The following LSG1 variants were observed in gnomAD, a reference collection of about 807,000 sequenced individuals.
LSG1 encodes large subunit GTPase 1 homolog.
A neutral mutation model predicts 82.6 loss-of-function variants in LSG1; 55 were observed. That is an observed-to-expected ratio of 0.67 (90% confidence interval 0.54 to 0.83). The LOEUF (loss-of-function observed/expected upper bound fraction) is 0.83, where lower values mean the gene tolerates loss of function less well. LSG1 is among the 40% of genes least tolerant of loss of function. The probability of loss-of-function intolerance (pLI) is 0.00; values close to 1 mark genes in which losing one functional copy is unlikely to be tolerated. For synonymous variants in LSG1, 272 were observed against 282.5 expected, an observed-to-expected ratio of 0.96 and a Z score of 0.37; for missense variants, 809 against 807.9, an observed-to-expected ratio of 1.00 and a Z score of -0.02.
intron 2 of LSG1, among the ~76,000 whole-genome samples, chr3:194,668,979 C>T (rs1675929): frequency 0.64 from 97,236 of 151,626 alleles, 31,978 homozygotes; most frequent in East Asian, 0.87. Flanking sequence ...CTCACTTATA[C>T]GTGGAATAAA....
chr3:194,643,301 AAAGAC>A (rs1280031357), intron 13 of LSG1, among the ~76,000 whole-genome samples: 1 of 152,256 alleles, frequency 6.6e-6, no homozygotes, highest in Non-Finnish European at 1.5e-5. Context: ...GGCTCAGAGA[AAAGAC>A]AACTGACTAA....
chr3:194,643,701 T>C (rs1007249764), intron 13 of LSG1, among the ~76,000 whole-genome samples: 1 of 152,170 alleles, frequency 6.6e-6, no homozygotes, highest in African/African-American at 2.4e-5. Context: ...CCGAGGTATA[T>C]ACTCAAGAGA....
rs149268352 is a variant in LSG1 at position 194,647,224 on chromosome 3, A to T, written c.1544-981T>A. 2.9e-3 allele frequency among the ~76,000 whole-genome samples: 437 copies of T among 152,348 alleles called. 4 individuals are homozygous for T. Among genetic ancestry groups the T allele is most frequent in the African/African-American group, 9.5e-3 (394 of 41,584 alleles). On this transcript the variant is annotated intron_variant, in intron 11 of 13. Transcript: ENST00000265245. The stretch of plus-strand genomic sequence containing the variant: ...GGGAGGGAGAAGACCTTCCCAAGTA[A>T]AACACCAAACCCAGTCAAACCAAAA...
chr3:194,653,547 C>T (rs1718728764), intron 7 of LSG1, among the ~76,000 whole-genome samples: 1 of 151,170 alleles, frequency 6.6e-6, no homozygotes, highest in South Asian at 2.1e-4. Flanking sequence ...AGGGGACAAG[C>T]AAAGTTCGAC....
chr3:194,651,297 A>G (rs1718669633), intron 8 of LSG1, 81 bp from the exon 9 acceptor site: 1 of 921,768 alleles, frequency 1.1e-6, no homozygotes, highest in Admixed American at 2.0e-5. Flanking sequence ...GATGGTGGCA[A>G]GACTAGCATA....
intron 7 of LSG1, 27 bp from the exon 8 acceptor site, chr3:194,653,169 A>G (rs1345141620): frequency 1.3e-6 from 2 of 1,593,498 alleles, no homozygotes; most frequent in Non-Finnish European, 1.7e-6. Context: ...AACGCTCAGA[A>G]GTATATAACT....
At chr3:194,659,929 AGCTCCTG>A in intron 6 of LSG1, 137 bp downstream of exon 6, 1 of 659,226 alleles carries the variant, frequency 1.5e-6, no homozygotes, top group Non-Finnish European at 2.7e-6. Flanking sequence ...GCGTTCTGCA[AGCTCCTG>A]GCCTTGGAAG....
intron 12 of LSG1, chr3:194,645,543 C>CACACACACACACAGACAG (rs1718518067): frequency 4.4e-5 from 2 of 45,314 alleles, no homozygotes; most frequent in African/African-American, 8.4e-5. Context: ...CAGACACACA[C>CACACACACACACAGACAG]ACACACACAC....
rs1718773400 is a variant in LSG1 at position 194,655,534 on chromosome 3, A to T, written c.760-2392T>A. Among the ~76,000 whole-genome samples the T allele has an allele frequency of 2.6e-5, 4 of 152,220 alleles. 1 individual carries two copies. In the South Asian group the frequency reaches 8.3e-4, roughly 31 times the overall value. ...CTATACTTACTGCCGAGAAGACTAA[A>T]TGAGTAAAATATGTAAAGTGTTTAG... On this transcript the variant is annotated intron_variant, in intron 7 of 13. Coordinates refer to ENST00000265245, the MANE Select transcript of LSG1 (RefSeq NM_018385.3).
rs1393483704 is a variant in LSG1 at position 194,648,783 on chromosome 3, G to C, written c.1441C>G (p.His481Asp). The stretch of plus-strand genomic sequence containing the variant: ...ATGCCATAGGTAGCTTCTAAAACAT[G>C]TCTTGGAATATTCTGGCAAACGTAG... ...VSLVCQNIPR[H>D]VLEATYGINI... Residue 481 changes from histidine (H) to aspartate (D), a missense_variant, in exon 11 of 14, where the codon CAT (histidine) becomes GAT (aspartate). Coordinates refer to ENST00000265245, the MANE Select transcript of LSG1 (RefSeq NM_018385.3). 1 of 1,613,944 alleles carries C rather than the reference G, an allele frequency of 6.2e-7. No individual in the cohort carries two copies. Among genetic ancestry groups the C allele is most frequent in the Admixed American group, 1.7e-5 (1 of 59,996 alleles).
At chr3:194,644,213 T>C (rs1718460308) in intron 13 of LSG1, among the ~76,000 whole-genome samples, 1 of 151,470 alleles carries the variant, frequency 6.6e-6, no homozygotes, top group Admixed American at 6.6e-5. Flanking sequence ...ATACAGAAAA[T>C]TAGCCGGGCG....
chr3:194,643,685 C>A (rs1718446602), intron 13 of LSG1, among the ~76,000 whole-genome samples: 3 of 152,126 alleles, frequency 2.0e-5, no homozygotes, highest in Admixed American at 2.0e-4. Context: ...ACCCAGCAAC[C>A]CCACGCCGAG....
At chr3:194,655,686 G>A (rs1452410574) in intron 7 of LSG1, among the ~76,000 whole-genome samples, 1 of 151,864 alleles carries the variant, frequency 6.6e-6, no homozygotes, top group African/African-American at 2.4e-5. Context: ...AAAAACGCTT[G>A]GCATAAGTCA....
intron 8 of LSG1, among the ~76,000 whole-genome samples, chr3:194,652,124 C>A (rs972370549): frequency 5.9e-5 from 9 of 152,152 alleles, no homozygotes; most frequent in Non-Finnish European, 1.3e-4. Context: ...ATAATCAATA[C>A]CTTCTCTAAC....
chr3:194,666,660 A>C, intron 2 of LSG1, 88 bp from the exon 3 acceptor site: 1 of 1,090,896 alleles, frequency 9.2e-7, no homozygotes, highest in South Asian at 1.6e-5. Flanking sequence ...AAAACTAAAA[A>C]TGAGAGCCTA....
chr3:194,659,080 G>C lies in LSG1; in HGVS notation c.636C>G (p.Asn212Lys). ...DANKENVILI[N>K]KADLLTAEQR... ...GCTCAGCAGTCAGCAAGTCTGCCTT[G>C]TTGATCAGAATGACGTTCTCCTTAT... Residue 212 changes from asparagine to lysine, a missense_variant, in exon 7 of 14, where the codon AAC becomes AAG. Transcript: ENST00000265245. 1 of 1,614,184 alleles carries C rather than the reference G, an allele frequency of 6.2e-7. No homozygotes were observed. The highest frequency in any genetic ancestry group is 8.5e-7 in the Non-Finnish European group (1 of 1,180,018).
At chr3:194,669,528 C>T (rs914973549) in intron 2 of LSG1, among the ~76,000 whole-genome samples, 3 of 152,234 alleles carry the variant, frequency 2.0e-5, no homozygotes, top group Non-Finnish European at 2.9e-5. Flanking sequence ...CAAAGCCAAA[C>T]TTCTAGCCAT....
chr3:194,666,490 G>A lies in LSG1; in HGVS notation c.309C>T (p.Leu103=), dbSNP rs752041219. The A allele has an allele frequency of 7.4e-6, 12 of 1,613,954 alleles. No homozygotes were observed. The South Asian group carries it at 1.3e-4, about 18-fold the overall frequency. The change falls in exon 3 of 14, where the codon CTC becomes CTT. Residue 103 remains leucine, a synonymous_variant. Coordinates refer to ENST00000265245, the MANE Select transcript of LSG1 (RefSeq NM_018385.3). ...SFEESQRIKK[L]HEENKQFLCI... Reference sequence around the variant, plus strand: ...ACAAGAACTGTTTGTTTTCTTCATGGAGCTTCTTAATTCTCTGGCTCTCCT... The same window carrying A: ...ACAAGAACTGTTTGTTTTCTTCATGAAGCTTCTTAATTCTCTGGCTCTCCT...
intron 5 of LSG1, among the ~76,000 whole-genome samples, chr3:194,663,235 C>T (rs6437402): frequency 7.9e-5 from 12 of 151,850 alleles, no homozygotes; most frequent in African/African-American, 2.4e-4. Flanking sequence ...GAGGCACCAA[C>T]GAAGAGGCTA....
Sources: allele counts gnomAD v4.1 joint callset (sites outside exome capture counted in the v4.1 genomes callset), GRCh38; gene constraint gnomAD v4.1.1; transcripts MANE v1.5; gene names NCBI Gene and HGNC (gene_info 2026-07-23, HGNC 2026-07-21).